Variants in TMEM44 observed in about 807,000 individuals in gnomAD.
The protein encoded by TMEM44 is transmembrane protein 44.
Under a neutral mutation model 47.8 loss-of-function variants are expected in TMEM44, and 43 were observed. The observed-to-expected ratio is 0.90, with a 90% CI of 0.70 to 1.16. TMEM44 has a LOEUF of 1.16. Ranked by LOEUF, TMEM44 falls within the 50% of genes most tolerant of loss-of-function variation. TMEM44 has a pLI of 0.00. For synonymous variants in TMEM44, 277 were observed against 238.8 expected (o/e 1.16, Z -1.48); for missense variants, 568 against 555.2 (o/e 1.02, Z -0.23).
intron 1 of TMEM44, among the ~76,000 whole-genome samples, chr3:194,632,377 G>C (rs1461739292): frequency 6.6e-6 from 1 of 152,198 alleles, no homozygotes; most frequent in Non-Finnish European, 1.5e-5. Flanking sequence ...TCCCCTGCCA[G>C]GGAATGCTTG....
At chr3:194,603,036 C>T (rs941977008) in intron 9 of TMEM44, among the ~76,000 whole-genome samples, 1 of 152,216 alleles carries the variant, frequency 6.6e-6, no homozygotes, top group Non-Finnish European at 1.5e-5. Context: ...GTCCTCTCCC[C>T]GCACCAAAAG....
At chr3:194,613,189 T>C (rs1301242779) in intron 7 of TMEM44, among the ~76,000 whole-genome samples, 3 of 152,102 alleles carry the variant, frequency 2.0e-5, no homozygotes, top group Non-Finnish European at 4.4e-5. Context: ...TATTTATTTA[T>C]TTTCTTGAGA....
chr3:194,599,953 T>A (rs1288175587), intron 9 of TMEM44, among the ~76,000 whole-genome samples: 1 of 152,044 alleles, frequency 6.6e-6, no homozygotes, highest in Non-Finnish European at 1.5e-5. Context: ...TGAGATGGGG[T>A]TTGACCATGT....
At chr3:194,590,310 A>G (rs1712494094) in intron 9 of TMEM44, 1 of 152,258 alleles carries the variant, frequency 6.6e-6, no homozygotes, top group Admixed American at 6.5e-5. Context: ...CATCATGTTA[A>G]AAAGACCACC....
At chr3:194,603,689 C>A (rs1449090153) in intron 9 of TMEM44, among the ~76,000 whole-genome samples, 4 of 152,158 alleles carry the variant, frequency 2.6e-5, no homozygotes, top group Admixed American at 2.6e-4. Context: ...TGAGCCACCA[C>A]ACCCAGCCAA....
intron 7 of TMEM44, among the ~76,000 whole-genome samples, chr3:194,614,351 G>A (rs1411692224): frequency 2.0e-5 from 3 of 152,178 alleles, no homozygotes; most frequent in African/African-American, 7.2e-5. Context: ...GGATATTAAA[G>A]ATGCATGTGA....
At chr3:194,616,049 T>G (rs969825754) in intron 6 of TMEM44, among the ~76,000 whole-genome samples, 1 of 151,906 alleles carries the variant, frequency 6.6e-6, no homozygotes, top group Admixed American at 6.5e-5. Context: ...CACCTCTGAA[T>G]GTGACCCCCT....
At chr3:194,608,317 A>G (rs1714973160) in intron 8 of TMEM44, among the ~76,000 whole-genome samples, 1 of 152,208 alleles carries the variant, frequency 6.6e-6, no homozygotes, top group Non-Finnish European at 1.5e-5. Flanking sequence ...CTCTCAGCCG[A>G]GTCTCTCCGG....
In TMEM44 at chr3:194,623,233, G is replaced by A; in HGVS notation, c.603C>T (p.Leu201=). ...FGSWASRIPP[L]SRICRGKTFP... ...CCACCCCCGGCCTCACAATTCTGGA[G>A]AGAGGGGGGATCCGAGAAGCCCAGG... The change falls in exon 5 of 10, where the codon CTC becomes CTT. Residue 201 remains leucine (L), a synonymous_variant. Transcript: ENST00000347147. 1 of 1,609,892 alleles carries A rather than the reference G, an allele frequency of 6.2e-7. No individual in the cohort carries two copies. The highest frequency in any genetic ancestry group is 8.5e-7 in the Non-Finnish European group (1 of 1,178,228).
At chr3:194,610,535 A>G (rs1016520253) in intron 8 of TMEM44, among the ~76,000 whole-genome samples, 1 of 151,904 alleles carries the variant, frequency 6.6e-6, no homozygotes, top group Non-Finnish European at 1.5e-5. Context: ...TAGCAAGAAA[A>G]CCCTTATTTC....
In TMEM44 at chr3:194,611,153, A is replaced by G. The variant is rs1715287362; in HGVS notation, c.913-133T>C. On this transcript the variant is annotated intron_variant, in intron 7 of 9. Coordinates refer to ENST00000347147, the MANE Select transcript of TMEM44 (RefSeq NM_001011655.3). The surrounding 1 kb of genome is among the most constrained non-coding windows in gnomAD (Gnocchi z 4.2). ...TCTCTCTTTTTTAACGGCACGTCTC[A>G]CTTTCTGCTTCCTATAAGATGTGTC... 2 of 698,016 alleles carry G rather than the reference A, an allele frequency of 2.9e-6. No individual in the cohort carries two copies. The highest frequency in any genetic ancestry group is 5.1e-6 in the Non-Finnish European group (2 of 395,588). The allele number at this position is 698,016 out of a possible 1,614,324, so 43.2% of individuals were successfully genotyped here.
In TMEM44 at chr3:194,610,918, G is replaced by T. The variant is rs759390287; in HGVS notation, c.1015C>A (p.Gln339Lys). 1 of 1,612,966 alleles carries T rather than the reference G, an allele frequency of 6.2e-7. No homozygotes were observed. Among genetic ancestry groups the T allele is most frequent in the Non-Finnish European group, 8.5e-7 (1 of 1,179,608 alleles). ...GGCCATGACCGATGGCCACTCACCT[G>T]CTGCACAGGCTCGATGGTCAGCTCC... ...YMELTIEPVQQAGCSATRLPG... is the reference protein window; with the variant it reads ...YMELTIEPVQKAGCSATRLPG... Residue 339 changes from glutamine to lysine, a missense_variant and splice_region_variant, in exon 8 of 10, where the codon CAG becomes AAG. Coordinates refer to ENST00000347147, the MANE Select transcript of TMEM44 (RefSeq NM_001011655.3).
At chr3:194,613,481 T>C (rs745424492) in intron 7 of TMEM44, among the ~76,000 whole-genome samples, 4 of 151,566 alleles carry the variant, frequency 2.6e-5, no homozygotes, top group Non-Finnish European at 4.4e-5. Flanking sequence ...CCTGGCTTAA[T>C]GAACACTTTA....
At chr3:194,607,535 T>C (rs1050846691) in intron 8 of TMEM44, among the ~76,000 whole-genome samples, 10 of 152,202 alleles carry the variant, frequency 6.6e-5, no homozygotes, top group Admixed American at 2.6e-4. Context: ...TAGAGGTCAA[T>C]GGCACAAACT....
In TMEM44 at chr3:194,611,601, G is replaced by A. The variant is rs972132848; in HGVS notation, c.913-581C>T. Among the ~76,000 whole-genome samples the A allele has an allele frequency of 4.6e-5, 7 of 152,290 alleles. No homozygotes were observed. The East Asian group carries it at 5.8e-4, about 13-fold the overall frequency. On this transcript the variant is annotated intron_variant, in intron 7 of 9. Coordinates refer to ENST00000347147, the MANE Select transcript of TMEM44 (RefSeq NM_001011655.3). The surrounding 1 kb of genome is among the most constrained non-coding windows in gnomAD (Gnocchi z 4.2). ...ACCGGGAAGTGGATCGTTTAAACGC[G>A]CCCCAGATGATTCTAACGTGCGGCC... is the stretch of plus-strand genomic sequence containing the variant.
intron 9 of TMEM44, among the ~76,000 whole-genome samples, chr3:194,594,440 GGCATGA>G (rs1406619522): frequency 2.0e-5 from 3 of 152,206 alleles, no homozygotes; most frequent in African/African-American, 7.2e-5. Flanking sequence ...TAGGATTACA[GGCATGA>G]GCCACTGCTC....
intron 1 of TMEM44, among the ~76,000 whole-genome samples, chr3:194,629,849 A>G (rs13086819): frequency 1.2e-5 from 1 of 81,246 alleles, no homozygotes. Flanking sequence ...CCCTGAAATA[A>G]TACGCTGTCG....
intron 9 of TMEM44, chr3:194,593,081 AT>A (rs752731386): frequency 6.2e-7 from 1 of 1,613,348 alleles, no homozygotes; most frequent in Non-Finnish European, 8.5e-7. Context: ...CTGCTGCAGA[AT>A]AAAAAGAGAG....
chr3:194,619,639 T>C (rs1375608855), intron 5 of TMEM44, among the ~76,000 whole-genome samples: 1 of 152,186 alleles, frequency 6.6e-6, no homozygotes, highest in Non-Finnish European at 1.5e-5. Context: ...AACCTCACCA[T>C]GGCCAAATTA....
Sources: allele counts gnomAD v4.1 joint callset (sites outside exome capture counted in the v4.1 genomes callset), GRCh38; gene constraint gnomAD v4.1.1; non-coding constraint Gnocchi (gnomAD v3.1); transcripts MANE v1.5; gene names NCBI Gene and HGNC (gene_info 2026-07-23, HGNC 2026-07-21).